Variants in BACH2 observed in about 807,000 individuals in gnomAD.
The protein encoded by BACH2 is BACH transcriptional regulator 2.
Under a neutral mutation model 61.8 loss-of-function variants are expected in BACH2, and 5 were observed. The observed-to-expected ratio is 0.08, with a 90% confidence interval of 0.04 to 0.17. The LOEUF (loss-of-function observed/expected upper bound fraction) is 0.17, where lower values mean the gene tolerates loss of function less well. Among genes scored for constraint, BACH2 ranks in the 10% least tolerant of loss-of-function variants. The pLI, the probability that BACH2 is intolerant of heterozygous loss-of-function variation, is 1.00. For synonymous variants in BACH2, 446 were observed against 440.1 expected (o/e 1.01, Z -0.17); for missense variants, 824 against 1,091.1 (o/e 0.76, Z 3.45).
At chr6:90,259,182 T>C (rs1240710204) in intron 2 of BACH2, among the ~76,000 whole-genome samples, 5 of 152,226 alleles carry the variant, frequency 3.3e-5, no homozygotes, top group African/African-American at 9.6e-5. Context: ...TTTTCCCCCA[T>C]GTATTATAAT....
chr6:89,940,086 C>T lies in BACH2; in HGVS notation c.1837-1736G>A, dbSNP rs77314088. ...AGTAGAGTGGCACGATTTTGACTCA[C>T]GGCAAACTCCACCTCCCTGGTTCAA... On this transcript the variant is annotated intron_variant, in intron 7 of 8. Coordinates refer to ENST00000257749, the MANE Select transcript of BACH2 (RefSeq NM_021813.4). Among the ~76,000 whole-genome samples the T allele has an allele frequency of 2.7e-3, 412 of 152,064 alleles. 12 individuals carry two copies. In the East Asian group the frequency reaches 0.055, roughly 20 times the overall value.
intron 6 of BACH2, among the ~76,000 whole-genome samples, chr6:89,965,839 A>G (rs914129200): frequency 2.0e-5 from 3 of 152,198 alleles, no homozygotes; most frequent in African/African-American, 7.2e-5. Context: ...ATCCTCCAAT[A>G]GCCTTGAGAA....
At chr6:90,040,457 C>T (rs776391983) in intron 5 of BACH2, among the ~76,000 whole-genome samples, 7 of 151,586 alleles carry the variant, frequency 4.6e-5, no homozygotes, top group Non-Finnish European at 7.4e-5. Context: ...TATATGAGTA[C>T]GTTTGTAGTA....
intron 3 of BACH2, among the ~76,000 whole-genome samples, chr6:90,207,662 T>C (rs1769197322): frequency 6.6e-6 from 1 of 152,084 alleles, no homozygotes; most frequent in Non-Finnish European, 1.5e-5. Flanking sequence ...TGCAGTGCTT[T>C]TAAAAATGAA....
chr6:90,140,739 C>T (rs1194794599), intron 4 of BACH2, among the ~76,000 whole-genome samples: 1 of 152,140 alleles, frequency 6.6e-6, no homozygotes, highest in Admixed American at 6.5e-5. Flanking sequence ...AATGATCATG[C>T]TAAAGAGTTA....
chr6:90,050,509 A>C (rs1210925833), intron 5 of BACH2, among the ~76,000 whole-genome samples: 2 of 152,210 alleles, frequency 1.3e-5, no homozygotes, highest in Non-Finnish European at 2.9e-5. Context: ...TTGAACACTA[A>C]AAGAGATATT....
intron 5 of BACH2, among the ~76,000 whole-genome samples, chr6:90,011,327 CTTTG>C (rs2127781583): frequency 6.6e-6 from 1 of 152,206 alleles, no homozygotes; most frequent in South Asian, 2.1e-4. Flanking sequence ...CCTGAATTAC[CTTTG>C]TATTTTTACT....
At chr6:90,264,169 A>G (rs1771253014) in intron 2 of BACH2, among the ~76,000 whole-genome samples, 1 of 152,130 alleles carries the variant, frequency 6.6e-6, no homozygotes, top group Admixed American at 6.5e-5. Context: ...GCTTTGTTCA[A>G]TCTCTGCCTT....
intron 4 of BACH2, among the ~76,000 whole-genome samples, chr6:90,114,187 T>C (rs1321811826): frequency 2.0e-5 from 3 of 152,142 alleles, no homozygotes; most frequent in Non-Finnish European, 4.4e-5. Context: ...ATCATCTTGA[T>C]ACCAAAACCT....
chr6:90,233,873 A>G (rs1198253884), intron 3 of BACH2, among the ~76,000 whole-genome samples: 1 of 152,186 alleles, frequency 6.6e-6, no homozygotes, highest in African/African-American at 2.4e-5. Context: ...AAGATAGCAC[A>G]CCTGAGCAGA....
At chr6:90,212,231 T>G (rs2127852100) in intron 3 of BACH2, among the ~76,000 whole-genome samples, 1 of 152,110 alleles carries the variant, frequency 6.6e-6, no homozygotes. Context: ...AGAAAGCTAA[T>G]CCCTCCCTTC....
intron 4 of BACH2, among the ~76,000 whole-genome samples, chr6:90,098,280 C>CG (rs1782463684): frequency 6.6e-6 from 1 of 151,658 alleles, no homozygotes; most frequent in African/African-American, 2.4e-5. Flanking sequence ...TTTGCCCCCC[C>CG]CGCAACCCCC....
chr6:90,132,746 C>G (rs1358050779), intron 4 of BACH2, among the ~76,000 whole-genome samples: 10 of 152,198 alleles, frequency 6.6e-5, no homozygotes, highest in Admixed American at 2.0e-4. Flanking sequence ...TACAAAAGGG[C>G]AGTCCACAAC....
intron 3 of BACH2, among the ~76,000 whole-genome samples, chr6:90,227,498 G>A (rs1336294966): frequency 6.6e-6 from 1 of 152,158 alleles, no homozygotes; most frequent in Non-Finnish European, 1.5e-5. Flanking sequence ...TCTAATTTCT[G>A]AACAAAGAGA....
intron 3 of BACH2, among the ~76,000 whole-genome samples, chr6:90,208,125 C>T (rs2127850177): frequency 6.6e-6 from 1 of 152,208 alleles, no homozygotes; most frequent in South Asian, 2.1e-4. Context: ...CTAGGCAATA[C>T]CATTCAGGAC....
rs142761642 is a variant in BACH2 at position 90,092,315 on chromosome 6, T to TATATACACAC, written c.-161-3207_-161-3206insGTGTGTATAT. Among the ~76,000 whole-genome samples, 492 of 112,384 alleles carry TATATACACAC rather than the reference T, an allele frequency of 4.4e-3. 5 individuals are homozygous for TATATACACAC. The highest frequency in any genetic ancestry group is 0.017 in the African/African-American group (475 of 27,816). 73.7% of individuals were successfully genotyped at this position (112,384 alleles called of 152,430 possible). A position where few individuals can be genotyped will look rare whatever the true frequency, so the allele number is the denominator to read the frequency against. ...AAATATATATATATATATATATATA[T>TATATACACAC]ACACACACACACATTGCATCACTTG... On this transcript the variant is annotated intron_variant, in intron 4 of 8. Coordinates refer to ENST00000257749, the MANE Select transcript of BACH2 (RefSeq NM_021813.4).
chr6:90,053,093 GAAC>G (rs1472709751), intron 5 of BACH2, among the ~76,000 whole-genome samples: 1 of 151,984 alleles, frequency 6.6e-6, no homozygotes, highest in African/African-American at 2.4e-5. Flanking sequence ...AACCCCTTCA[GAAC>G]AACAAAAGGA....
At chr6:90,094,719 T>C (rs1467025159) in intron 4 of BACH2, among the ~76,000 whole-genome samples, 1 of 152,200 alleles carries the variant, frequency 6.6e-6, no homozygotes, top group Non-Finnish European at 1.5e-5. Flanking sequence ...TTGCTCAGCA[T>C]CCCAAGGGGA....
chr6:90,068,165 T>G (rs894076134), intron 5 of BACH2, among the ~76,000 whole-genome samples: 10 of 152,206 alleles, frequency 6.6e-5, no homozygotes, highest in Non-Finnish European at 1.2e-4. Flanking sequence ...ATTGTGAAAG[T>G]ATCAAACATC....
Sources: allele counts gnomAD v4.1 joint callset (sites outside exome capture counted in the v4.1 genomes callset), GRCh38; gene constraint gnomAD v4.1.1; transcripts MANE v1.5; gene names NCBI Gene and HGNC (gene_info 2026-07-23, HGNC 2026-07-21).